The following KCNQ1 variants were observed in gnomAD, a reference collection of about 807,000 sequenced individuals.
KCNQ1 encodes the protein potassium voltage-gated channel subfamily Q member 1.
Under a neutral mutation model 72.4 loss-of-function variants are expected in KCNQ1, and 49 were observed. That is an observed-to-expected ratio of 0.68 (90% confidence interval 0.54 to 0.86). The LOEUF (loss-of-function observed/expected upper bound fraction) is 0.86. Ranked by LOEUF, KCNQ1 falls within the 40% of genes least tolerant of loss-of-function variation. KCNQ1 has a pLI of 0.00. For missense variants in KCNQ1, 790 were observed against 945.1 expected (o/e 0.84, Z 2.15); for synonymous variants, 450 against 412.6 (o/e 1.09, Z -1.10).
rs574264289 is a variant in KCNQ1 at position 2,705,894 on chromosome 11, T to C, written c.1514+43813T>C. Reference sequence around the variant, plus strand: ...TACTCCATTCCCAGCTCTGTACTTGTAGAGGGTGAGGCTGCTGAAATGAAA... The same window carrying C: ...TACTCCATTCCCAGCTCTGTACTTGCAGAGGGTGAGGCTGCTGAAATGAAA... On this transcript the variant is annotated intron_variant, in intron 11 of 15. Coordinates refer to ENST00000155840, the MANE Select transcript of KCNQ1 (RefSeq NM_000218.3). Among the ~76,000 whole-genome samples the C allele has an allele frequency of 1.2e-4, 18 of 152,284 alleles. No individual in the cohort carries two copies. The South Asian group carries it at 3.7e-3, about 32-fold the overall frequency.
chr11:2,812,155 G>C (rs1847500608), intron 15 of KCNQ1, among the ~76,000 whole-genome samples: 1 of 152,188 alleles, frequency 6.6e-6, no homozygotes, highest in African/African-American at 2.4e-5. Flanking sequence ...CTCCCAGACG[G>C]CTGGTCCCCA....
intron 1 of KCNQ1, among the ~76,000 whole-genome samples, chr11:2,518,850 A>G (rs1564804222): frequency 1.3e-5 from 2 of 152,190 alleles, no homozygotes; most frequent in Non-Finnish European, 2.9e-5. Context: ...AGACAGCGTG[A>G]GGCATGGGGT....
Position 2,526,766 on chromosome 11 carries a change from A to AG in KCNQ1, c.387-1157dup, listed in dbSNP as rs1847515868. Among the ~76,000 whole-genome samples, 1 of 152,012 alleles carries AG rather than the reference A, an allele frequency of 6.6e-6. No individual in the cohort carries two copies. The highest frequency in any genetic ancestry group is 2.4e-5 in the African/African-American group (1 of 41,388). On this transcript the variant is annotated intron_variant, in intron 1 of 15. Transcript: ENST00000155840. The surrounding 1 kb of genome is among the most constrained non-coding windows in gnomAD (Gnocchi z 6.1). ...CAGGAGGCTGGATGAGAGGCAATGC[A>AG]GGGGGCCTTCTGGCTGTCCTGGGGT...
rs1232235667 is a variant in KCNQ1 at position 2,463,709 on chromosome 11, G to A, written c.386+18225G>A. Among the ~76,000 whole-genome samples, 2 of 152,200 alleles carry A rather than the reference G, an allele frequency of 1.3e-5. No homozygotes were observed. Among genetic ancestry groups the A allele is most frequent in the Non-Finnish European group, 1.5e-5 (1 of 68,028 alleles). ...GGGGAGGTCTGTGGGTGCCCAGGCC[G>A]AGATGTGAACCCTGAGTTTGTGCAA... On this transcript the variant is annotated intron_variant, in intron 1 of 15. Coordinates refer to ENST00000155840, the MANE Select transcript of KCNQ1 (RefSeq NM_000218.3). This position sits in a 1 kb window ranked among gnomAD's most constrained non-coding sequence, Gnocchi z 7.0.
rs1337070605 is a variant in KCNQ1 at position 2,451,052 on chromosome 11, G to T, written c.386+5568G>T. On this transcript the variant is annotated intron_variant, in intron 1 of 15. Transcript: ENST00000155840. The surrounding 1 kb of genome is among the most constrained non-coding windows in gnomAD (Gnocchi z 6.4). Reference sequence around the variant, plus strand: ...CAGGGTGTGGGGTCCATCTGAGCAGGCATGGTGCTTCCAGAAGGATCCAGG... The same window carrying T: ...CAGGGTGTGGGGTCCATCTGAGCAGTCATGGTGCTTCCAGAAGGATCCAGG... Among the ~76,000 whole-genome samples the T allele has an allele frequency of 6.6e-6, 1 of 152,166 alleles. No individual in the cohort carries two copies. The highest frequency in any genetic ancestry group is 1.5e-5 in the Non-Finnish European group (1 of 68,034).
rs1179375503 is a variant in KCNQ1, at chr11:2,537,707, TGTTG to T, written c.477+9693_477+9696del. Among the ~76,000 whole-genome samples the T allele has an allele frequency of 2.0e-5, 3 of 150,956 alleles. No individual in the cohort carries two copies. In the East Asian group the frequency reaches 5.8e-4, roughly 29 times the overall value. ...ATATGGGTTTTGTGGGGTTTTTTGT[TGTTG>T]GTTTTTTATTTTTATTTTTTTGAGA... On this transcript the variant is annotated intron_variant, in intron 2 of 15. Coordinates refer to ENST00000155840, the MANE Select transcript of KCNQ1 (RefSeq NM_000218.3). The surrounding 1 kb of genome is among the most constrained non-coding windows in gnomAD (Gnocchi z 5.2).
intron 11 of KCNQ1, chr11:2,692,764 G>A (rs757503207): frequency 2.5e-6 from 1 of 398,554 alleles, no homozygotes; most frequent in African/African-American, 2.1e-5. Context: ...CCAGGGTCTA[G>A]TACCTGCTGA....
intron 11 of KCNQ1, among the ~76,000 whole-genome samples, chr11:2,739,860 G>A (rs1303569640): frequency 6.6e-6 from 1 of 152,272 alleles, no homozygotes. Flanking sequence ...GCTTGGAGCA[G>A]TGTCCTAAGG....
In KCNQ1 at chr11:2,488,128, AGT is replaced by A. The variant is rs1347889050; in HGVS notation, c.387-39797_387-39796del. 6.6e-6 allele frequency among the ~76,000 whole-genome samples: 1 copy of A among 152,066 alleles called. No homozygotes were observed. The highest frequency in any genetic ancestry group is 6.5e-5 in the Admixed American group (1 of 15,270). On this transcript the variant is annotated intron_variant, in intron 1 of 15. Transcript: ENST00000155840. The surrounding 1 kb of genome is among the most constrained non-coding windows in gnomAD (Gnocchi z 5.1). ...TCAATTGAGATCATGTGATCATGTG[AGT>A]GTTATTTCTTCATTCTGTTAATATG...
At chr11:2,840,514 CAAA>C (rs201591401) in intron 15 of KCNQ1, 1 of 135,504 alleles carries the variant, frequency 7.4e-6, no homozygotes, top group Admixed American at 8.1e-5. Flanking sequence ...AAACACAAAT[CAAA>C]AAAGTATTAG....
rs148969139 is a variant in KCNQ1 at position 2,774,105 on chromosome 11, A to T, written c.1591-1855A>T. 1.0e-3 allele frequency among the ~76,000 whole-genome samples: 153 copies of T among 152,276 alleles called. 3 individuals carry two copies. The East Asian group carries it at 0.024, about 24-fold the overall frequency. Reference sequence around the variant, plus strand: ...TCTCCATCTTATAGGAAGGAGAAACAGGGCTCAGCATCCCCTTTTACGGAA... The same window carrying T: ...TCTCCATCTTATAGGAAGGAGAAACTGGGCTCAGCATCCCCTTTTACGGAA... On this transcript the variant is annotated intron_variant, in intron 12 of 15. Coordinates refer to ENST00000155840, the MANE Select transcript of KCNQ1 (RefSeq NM_000218.3).
chr11:2,637,980 A>G (rs979657156), intron 10 of KCNQ1: 1 of 152,260 alleles, frequency 6.6e-6, no homozygotes, highest in Non-Finnish European at 1.5e-5. Flanking sequence ...AGTCTGTTTT[A>G]TCAGAGACTA....
chr11:2,623,912 A>G lies in KCNQ1; in HGVS notation c.1393+35058A>G, dbSNP rs1398422983. On this transcript the variant is annotated intron_variant, in intron 10 of 15. Coordinates refer to ENST00000155840, the MANE Select transcript of KCNQ1 (RefSeq NM_000218.3). This position sits in a 1 kb window ranked among gnomAD's most constrained non-coding sequence, Gnocchi z 5.2. ...TTCAGAAGTGGAATTGATGGATCCTATGATAATTCCATTTTTAATTCTTTG... is the reference window on the plus strand; with the variant it reads ...TTCAGAAGTGGAATTGATGGATCCTGTGATAATTCCATTTTTAATTCTTTG... 3 of 398,582 alleles carry G rather than the reference A, an allele frequency of 7.5e-6. No homozygotes were observed. The highest frequency in any genetic ancestry group is 7.1e-5 in the East Asian group (2 of 28,062). 24.7% of individuals were successfully genotyped at this position (398,582 alleles called of 1,614,324 possible).
intron 10 of KCNQ1, among the ~76,000 whole-genome samples, chr11:2,605,429 C>G (rs1279531226): frequency 6.6e-6 from 1 of 152,100 alleles, no homozygotes; most frequent in East Asian, 1.9e-4. Context: ...TTATCTGTTA[C>G]GTATTTATGT....
At chr11:2,581,744 C>A (rs994083522) in intron 6 of KCNQ1, among the ~76,000 whole-genome samples, 3 of 152,252 alleles carry the variant, frequency 2.0e-5, no homozygotes, top group Non-Finnish European at 2.9e-5. Context: ...AGCACAGACA[C>A]GTGCACGTGT....
chr11:2,798,790 G>A (rs1295844272), intron 15 of KCNQ1, among the ~76,000 whole-genome samples: 25 of 152,188 alleles, frequency 1.6e-4, no homozygotes, highest in Non-Finnish European at 2.2e-4. Flanking sequence ...TCGTAGCAGA[G>A]AAAATTGTTT....
chr11:2,629,540 C>A, intron 10 of KCNQ1: 1 of 398,428 alleles, frequency 2.5e-6, no homozygotes, highest in South Asian at 1.3e-4. Flanking sequence ...ACTTCATTCT[C>A]TCACGTGAGG....
chr11:2,576,420 G>A (rs187666203), intron 6 of KCNQ1, among the ~76,000 whole-genome samples: 34 of 152,344 alleles, frequency 2.2e-4, no homozygotes, highest in Middle Eastern at 3.4e-3. Context: ...AACAAAATGC[G>A]TTTGTTTGTG....
In KCNQ1 at chr11:2,659,448, T is replaced by C. The variant is rs1170443917; in HGVS notation, c.1394-2513T>C. The C allele has an allele frequency of 2.5e-6, 1 of 398,500 alleles. No homozygotes were observed. Among genetic ancestry groups the C allele is most frequent in the African/African-American group, 2.1e-5 (1 of 48,648 alleles). 24.7% of individuals were successfully genotyped at this position (398,500 alleles called of 1,614,324 possible). ...GCATAAATCATTAGTTAATTTCTTT[T>C]TATTGCTGGGTGGTATTCCATTGCA... On this transcript the variant is annotated intron_variant, in intron 10 of 15. Coordinates refer to ENST00000155840, the MANE Select transcript of KCNQ1 (RefSeq NM_000218.3). The surrounding 1 kb of genome is among the most constrained non-coding windows in gnomAD (Gnocchi z 4.3).
Sources: gnomAD v4.1 joint callset for allele counts (sites outside exome capture counted in the v4.1 genomes callset) on GRCh38, gnomAD v4.1.1 for gene constraint, Gnocchi (gnomAD v3.1) non-coding constraint, MANE v1.5 for transcripts, NCBI Gene and HGNC (gene_info 2026-07-23, HGNC 2026-07-21) for gene names.